Variants in ACTN2 observed in about 807,000 individuals in gnomAD.
The protein encoded by ACTN2 is actinin alpha 2.
A neutral mutation model predicts 113.8 loss-of-function variants in ACTN2; 39 were observed. That is an observed-to-expected ratio of 0.34 (90% confidence interval 0.27 to 0.45). ACTN2 has a LOEUF of 0.45. Ranked by LOEUF, ACTN2 falls within the 20% of genes least tolerant of loss-of-function variation. The pLI, the probability that ACTN2 is intolerant of heterozygous loss-of-function variation, is 1.00. For synonymous variants in ACTN2, 429 were observed against 444.1 expected, an observed-to-expected ratio of 0.97 and a Z score of 0.43; for missense variants, 992 against 1,177.9, an observed-to-expected ratio of 0.84 and a Z score of 2.31.
At chr1:236,709,243 T>C (rs1490119930) in intron 1 of ACTN2, among the ~76,000 whole-genome samples, 1 of 84,444 alleles carries the variant, frequency 1.2e-5, no homozygotes, top group Admixed American at 1.4e-4. Context: ...TATATATATA[T>C]ATATATATAT....
intron 7 of ACTN2, chr1:236,734,602 C>G (rs1658811186): frequency 2.0e-6 from 2 of 1,002,526 alleles, no homozygotes; most frequent in South Asian, 1.6e-5. Context: ...CTTTTTTCCC[C>G]CCTCTCCTCC....
At chr1:236,760,120 C>T (rs1229849642) in intron 19 of ACTN2, among the ~76,000 whole-genome samples, 1 of 152,068 alleles carries the variant, frequency 6.6e-6, no homozygotes, top group Non-Finnish European at 1.5e-5. Flanking sequence ...GTGGCGGGCA[C>T]CTGTAGTCCC....
At chr1:236,720,525 T>C (rs1341860) in intron 4 of ACTN2, among the ~76,000 whole-genome samples, 142,138 of 152,236 alleles carry the variant, frequency 0.93, 66,846 homozygotes, top group Non-Finnish European at 1. Flanking sequence ...AAACACTTTC[T>C]TTCCCCCTGG....
At position 236,751,796 on chromosome 1, in the gene ACTN2, C is replaced by G. The variant is rs570593242; in HGVS notation, c.1839+144C>G. 1.2e-5 allele frequency: 11 copies of G among 935,036 alleles called. No individual in the cohort carries two copies. The African/African-American group carries it at 1.5e-4, about 13-fold the overall frequency. The allele number at this position is 935,036 out of a possible 1,614,324, so 57.9% of individuals were successfully genotyped here. A position where few individuals can be genotyped will look rare whatever the true frequency, so the allele number is the denominator to read the frequency against. ...TTTCCTTTATCCCAAATTTCACAGG[C>G]AAAACGTGACAAACTCTTAAGGACC... On this transcript the variant is annotated intron_variant, in intron 15 of 20. Transcript: ENST00000366578.
At chr1:236,727,344 A>G (rs546554745) in intron 5 of ACTN2, among the ~76,000 whole-genome samples, 1 of 152,108 alleles carries the variant, frequency 6.6e-6, no homozygotes, top group South Asian at 2.1e-4. Context: ...GCCAGAATGG[A>G]GAGTTGGAGA....
intron 15 of ACTN2, among the ~76,000 whole-genome samples, chr1:236,752,420 C>G (rs1324120075): frequency 1.5e-5 from 2 of 130,540 alleles, no homozygotes; most frequent in East Asian, 4.7e-4. Flanking sequence ...ATTAGTGCAT[C>G]TGAGCTTTAA....
chr1:236,700,920 A>G (rs1243262086), intron 1 of ACTN2, among the ~76,000 whole-genome samples: 1 of 152,154 alleles, frequency 6.6e-6, no homozygotes, highest in Non-Finnish European at 1.5e-5. Flanking sequence ...GGGGCCTTTC[A>G]TTTTAACCCT....
chr1:236,695,128 A>C (rs1355021004), intron 1 of ACTN2, among the ~76,000 whole-genome samples: 1 of 151,224 alleles, frequency 6.6e-6, no homozygotes, highest in East Asian at 1.9e-4. Context: ...GCCCTTTGGG[A>C]GGCTGAGGCA....
chr1:236,751,685 G>A (rs558824884), intron 15 of ACTN2, 33 bp downstream of exon 15: 3 of 1,613,066 alleles, frequency 1.9e-6, no homozygotes, highest in Non-Finnish European at 8.5e-7. Context: ...TGGGACCAGG[G>A]GGCATTCTTG....
intron 1 of ACTN2, among the ~76,000 whole-genome samples, chr1:236,698,440 G>A (rs967035176): frequency 6.6e-6 from 1 of 152,212 alleles, no homozygotes; most frequent in Non-Finnish European, 1.5e-5. Flanking sequence ...GAGATTATGT[G>A]TAGAGGGCAA....
At chr1:236,732,817 C>T (rs1460438110) in intron 7 of ACTN2, among the ~76,000 whole-genome samples, 1 of 152,208 alleles carries the variant, frequency 6.6e-6, no homozygotes, top group Non-Finnish European at 1.5e-5. Flanking sequence ...ACCACATCCT[C>T]ACTTGATTAT....
intron 14 of ACTN2, among the ~76,000 whole-genome samples, chr1:236,751,077 G>A (rs75028561): frequency 0.021 from 2,432 of 114,664 alleles, 47 homozygotes; most frequent in Non-Finnish European, 0.03. Flanking sequence ...GTGACCTAGC[G>A]AGACCCTGTC....
intron 1 of ACTN2, among the ~76,000 whole-genome samples, chr1:236,697,760 C>CT (rs750251378): frequency 0.11 from 14,188 of 124,974 alleles, 1,196 homozygotes; most frequent in African/African-American, 0.19. Flanking sequence ...GAAACAAGTT[C>CT]TTTTTTTTTT....
At chr1:236,760,422 A>G (rs1275931755) in intron 19 of ACTN2, among the ~76,000 whole-genome samples, 1 of 152,224 alleles carries the variant, frequency 6.6e-6, no homozygotes, top group Non-Finnish European at 1.5e-5. Flanking sequence ...AGTGGCTTTT[A>G]GTAGGAACCT....
At chr1:236,699,255 G>A (rs912847249) in intron 1 of ACTN2, among the ~76,000 whole-genome samples, 9 of 152,144 alleles carry the variant, frequency 5.9e-5, no homozygotes, top group African/African-American at 2.2e-4. Flanking sequence ...TTTGTGGAAG[G>A]GCATATGTGT....
chr1:236,747,822 C>A, intron 13 of ACTN2, 47 bp downstream of exon 13: 1 of 1,400,612 alleles, frequency 7.1e-7, no homozygotes, highest in Non-Finnish European at 1.0e-6. Flanking sequence ...TTAATAGAAG[C>A]TCTTTAATTA....
At chr1:236,698,718 A>G (rs1435939999) in intron 1 of ACTN2, among the ~76,000 whole-genome samples, 1 of 152,238 alleles carries the variant, frequency 6.6e-6, no homozygotes, top group African/African-American at 2.4e-5. Context: ...AAGTGATAAT[A>G]TGTGGATTTT....
At chr1:236,751,761 T>C in intron 15 of ACTN2, 109 bp downstream of exon 15, 1 of 1,337,260 alleles carries the variant, frequency 7.5e-7, no homozygotes. Flanking sequence ...TTTTGCATCA[T>C]GATCAGGATT....
At chr1:236,718,249 C>T (rs1324858961) in intron 2 of ACTN2, among the ~76,000 whole-genome samples, 1 of 152,240 alleles carries the variant, frequency 6.6e-6, no homozygotes, top group African/African-American at 2.4e-5. Flanking sequence ...ACACGACTCC[C>T]TCCATGCTGC....
Sources: allele counts gnomAD v4.1 joint callset (sites outside exome capture counted in the v4.1 genomes callset), GRCh38; gene constraint gnomAD v4.1.1; transcripts MANE v1.5; gene names NCBI Gene and HGNC (gene_info 2026-07-23, HGNC 2026-07-21).